Variants in FGF20 observed in about 807,000 individuals in gnomAD.
FGF20 encodes fibroblast growth factor 20.
FGF20 carries 8 observed loss-of-function variants against 16.7 expected under a neutral mutation model. The ratio of observed to expected loss-of-function variants is 0.48; its 90% CI spans 0.28 to 0.87. The LOEUF is 0.87. Among genes scored for constraint, FGF20 ranks in the 40% least tolerant of loss-of-function variants. The probability of loss-of-function intolerance (pLI) is 0.10; values close to 1 mark genes in which losing one functional copy is unlikely to be tolerated. For synonymous variants in FGF20, 161 were observed against 118.6 expected (o/e 1.36, Z -2.32); for missense variants, 397 against 281.4 (o/e 1.41, Z -2.94).
intron 2 of FGF20, among the ~76,000 whole-genome samples, chr8:16,994,061 C>T (rs1216367918): frequency 6.6e-6 from 1 of 152,166 alleles, no homozygotes; most frequent in African/African-American, 2.4e-5. Flanking sequence ...CTTTAAAGAA[C>T]TTTCAGTCAA....
chr8:17,001,990 C>A lies in FGF20; in HGVS notation c.43G>T (p.Glu15Ter). The A allele has an allele frequency of 6.6e-7, 1 of 1,525,704 alleles. No individual in the cohort carries two copies. The highest frequency in any genetic ancestry group is 8.8e-7 in the Non-Finnish European group (1 of 1,136,634). The allele number at this position is 1,525,704 out of a possible 1,614,324, so 94.5% of individuals were successfully genotyped here. ...AEVGGFLGGL[E>*]GLGQQVGSHF... ...GAACCCACCTGCTGGCCCAAGCCCT[C>A]CAGGCCGCCCAGAAAGCCCCCGACT... Residue 15 changes from glutamate (E) to a stop codon, truncating the protein, a stop_gained, in exon 1 of 3, where the codon GAG becomes TAG. Coordinates refer to ENST00000180166, the MANE Select transcript of FGF20 (RefSeq NM_019851.3). LOFTEE classifies it high-confidence loss of function.
chr8:17,001,561 C>G (rs1013931220), intron 1 of FGF20, among the ~76,000 whole-genome samples, 186 bp downstream of exon 1: 3 of 152,178 alleles, frequency 2.0e-5, no homozygotes, highest in Non-Finnish European at 4.4e-5. Context: ...AGGAAAATTT[C>G]TCCCCGCGGC....
intron 1 of FGF20, among the ~76,000 whole-genome samples, chr8:16,998,681 C>G (rs1450833426): frequency 6.6e-6 from 1 of 151,776 alleles, no homozygotes; most frequent in Non-Finnish European, 1.5e-5. Flanking sequence ...ACAATGCAAC[C>G]ACATCAGACA....
chr8:16,996,580 C>A (rs187169122), intron 1 of FGF20, among the ~76,000 whole-genome samples: 2 of 152,214 alleles, frequency 1.3e-5, no homozygotes, highest in African/African-American at 2.4e-5. Flanking sequence ...TAATTATAAC[C>A]ATTTTCTATT....
intron 2 of FGF20, among the ~76,000 whole-genome samples, chr8:16,993,790 T>C (rs527885237): frequency 6.6e-6 from 1 of 152,256 alleles, no homozygotes; most frequent in South Asian, 2.1e-4. Context: ...TCATCAGGCA[T>C]TAGATTCTCA....
intron 1 of FGF20, 73 bp from the exon 2 acceptor site, chr8:16,995,831 T>C: frequency 1.2e-6 from 1 of 837,628 alleles, no homozygotes; most frequent in Non-Finnish European, 1.9e-6. Flanking sequence ...ACAAAAATCT[T>C]CCAAATAGTA....
At chr8:16,999,091 T>C (rs1373517977) in intron 1 of FGF20, among the ~76,000 whole-genome samples, 1 of 152,194 alleles carries the variant, frequency 6.6e-6, no homozygotes, top group Non-Finnish European at 1.5e-5. Context: ...CCGCACTCTC[T>C]TAAAGTAAGT....
intron 2 of FGF20, 140 bp downstream of exon 2, chr8:16,995,515 T>C: frequency 2.3e-6 from 1 of 439,252 alleles, no homozygotes. Context: ...CATGGAAATT[T>C]AGCAGGATAG....
rs940319885 is a variant in FGF20, at chr8:17,002,246, G to A, written c.-214C>T. On this transcript the variant is annotated 5_prime_UTR_variant, in exon 1 of 3. Coordinates refer to ENST00000180166, the MANE Select transcript of FGF20 (RefSeq NM_019851.3). ...TTCTCTCCTTGGGTAGGTGGGAGCC[G>A]GCTGCTGGCTCTGCAGAAATATCTA... 3.1e-5 allele frequency: 15 copies of A among 479,980 alleles called. No individual in the cohort carries two copies. Among genetic ancestry groups the A allele is most frequent in the African/African-American group, 1.6e-4 (8 of 48,648 alleles). 29.7% of individuals were successfully genotyped at this position (479,980 alleles called of 1,614,324 possible).
At position 16,994,297 on chromosome 8, in the gene FGF20, C is replaced by T. The variant is rs1485494523; in HGVS notation, c.391-980G>A. On this transcript the variant is annotated intron_variant, in intron 2 of 2. Transcript: ENST00000180166. ...CAAATTCATGATCATCACTCCAAAT[C>T]ATATATCTTCTCTTTATGAATTTAC... 2.0e-5 allele frequency among the ~76,000 whole-genome samples: 3 copies of T among 152,268 alleles called. No homozygotes were observed. The East Asian group carries it at 5.8e-4, about 29-fold the overall frequency.
At chr8:16,998,411 T>C (rs1375728656) in intron 1 of FGF20, among the ~76,000 whole-genome samples, 2 of 152,188 alleles carry the variant, frequency 1.3e-5, no homozygotes, top group Non-Finnish European at 2.9e-5. Flanking sequence ...GGAAATAGTA[T>C]ACCACGTAGT....
chr8:16,996,981 A>G (rs1810067727), intron 1 of FGF20, among the ~76,000 whole-genome samples: 1 of 152,228 alleles, frequency 6.6e-6, no homozygotes, highest in African/African-American at 2.4e-5. Flanking sequence ...TTTTAAAATT[A>G]AATTGTATAG....
rs1415931607 is a variant in FGF20 at position 16,996,066 on chromosome 8, G to A, written c.287-308C>T. On this transcript the variant is annotated intron_variant, in intron 1 of 2. Transcript: ENST00000180166. ...GAGCCTTGGGAAGTTGACACCCTTTGCAGCGGGGAGGAGCCTGGCCTCTCC... is the reference window on the plus strand; with the variant it reads ...GAGCCTTGGGAAGTTGACACCCTTTACAGCGGGGAGGAGCCTGGCCTCTCC... Among the ~76,000 whole-genome samples the A allele has an allele frequency of 2.6e-5, 4 of 152,196 alleles. No individual in the cohort carries two copies. In the East Asian group the frequency reaches 7.7e-4, roughly 29 times the overall value.
chr8:16,998,159 C>A (rs1346139659), intron 1 of FGF20, among the ~76,000 whole-genome samples: 1 of 152,132 alleles, frequency 6.6e-6, no homozygotes, highest in African/African-American at 2.4e-5. Flanking sequence ...CACTTTAATT[C>A]TTATCTTAAT....
At chr8:17,001,466 G>A (rs976768462) in intron 1 of FGF20, among the ~76,000 whole-genome samples, 17 of 152,104 alleles carry the variant, frequency 1.1e-4, no homozygotes, top group Non-Finnish European at 1.9e-4. Flanking sequence ...AGGCAGGAAG[G>A]AGCTTGCGAA....
At chr8:16,993,364 G>A (rs1809963091) in intron 2 of FGF20, 47 bp from the exon 3 acceptor site, 2 of 1,511,392 alleles carry the variant, frequency 1.3e-6, no homozygotes, top group South Asian at 1.3e-5. Flanking sequence ...ATACCTTTGA[G>A]ATAATTTCCT....
intron 1 of FGF20, among the ~76,000 whole-genome samples, chr8:16,997,581 T>C (rs1438858621): frequency 6.6e-6 from 1 of 152,208 alleles, no homozygotes; most frequent in Non-Finnish European, 1.5e-5. Flanking sequence ...TAGGAGATCA[T>C]GTAGAACACT....
intron 1 of FGF20, 78 bp downstream of exon 1, chr8:17,001,669 A>T: frequency 7.1e-7 from 1 of 1,415,370 alleles, no homozygotes; most frequent in Non-Finnish European, 9.3e-7. Context: ...TGGCAGGCAA[A>T]GAGGGAGGTG....
chr8:16,995,125 C>T (rs1485322294), intron 2 of FGF20, among the ~76,000 whole-genome samples: 1 of 152,178 alleles, frequency 6.6e-6, no homozygotes, highest in African/African-American at 2.4e-5. Context: ...TTTGAATGAG[C>T]CCATGGCTAC....
Sources: gnomAD v4.1 joint callset for allele counts (sites outside exome capture counted in the v4.1 genomes callset) on GRCh38, gnomAD v4.1.1 for gene constraint, MANE v1.5 for transcripts, NCBI Gene and HGNC (gene_info 2026-07-23, HGNC 2026-07-21) for gene names.